MACROD2: variants seen among roughly 807,000 people sequenced by gnomAD.
MACROD2 encodes the protein ADP-ribose glycohydrolase MACROD2.
MACROD2 carries 36 observed loss-of-function variants against 70.4 expected under a neutral mutation model. That is an observed-to-expected ratio of 0.51 (90% CI 0.39 to 0.68). The LOEUF is 0.68. Among genes scored for constraint, MACROD2 ranks in the 30% least tolerant of loss-of-function variants. The pLI is 0.00. For synonymous variants in MACROD2, 172 were observed against 178.8 expected (o/e 0.96, Z 0.30); for missense variants, 496 against 538.4 (o/e 0.92, Z 0.78).
chr20:14,467,559 G>T (rs1484371132), intron 3 of MACROD2, among the ~76,000 whole-genome samples: 1 of 152,024 alleles, frequency 6.6e-6, no homozygotes, highest in Non-Finnish European at 1.5e-5. Flanking sequence ...CCACTGTCTG[G>T]CACTCCCCAG....
intron 7 of MACROD2, among the ~76,000 whole-genome samples, chr20:15,444,076 C>T (rs1195034422): frequency 1.3e-5 from 2 of 152,060 alleles, no homozygotes; most frequent in African/African-American, 4.8e-5. Context: ...CACTCCGTCC[C>T]CTCTCTCTCA....
At chr20:15,236,377 A>G (rs1021039234) in intron 6 of MACROD2, among the ~76,000 whole-genome samples, 17 of 152,154 alleles carry the variant, frequency 1.1e-4, no homozygotes, top group Admixed American at 2.6e-4. Flanking sequence ...AACCAAACCC[A>G]CATTGACAGA....
chr20:15,868,613 T>A (rs1224263484), intron 9 of MACROD2, among the ~76,000 whole-genome samples: 6 of 151,300 alleles, frequency 4.0e-5, no homozygotes, highest in African/African-American at 1.5e-4. Context: ...CTTTTTTTTT[T>A]TTTTTCATTA....
At chr20:15,205,553 A>G (rs1243052096) in intron 5 of MACROD2, among the ~76,000 whole-genome samples, 1 of 152,120 alleles carries the variant, frequency 6.6e-6, no homozygotes, top group Non-Finnish European at 1.5e-5. Flanking sequence ...CAACTTAGCT[A>G]AATACTAAGT....
chr20:15,464,765 C>T (rs116382281), intron 7 of MACROD2, among the ~76,000 whole-genome samples: 122 of 152,322 alleles, frequency 8.0e-4, no homozygotes, highest in African/African-American at 2.9e-3. Context: ...ATTAATTGCT[C>T]TGCCTCTAGA....
chr20:15,719,901 T>G (rs558316756), intron 8 of MACROD2, among the ~76,000 whole-genome samples: 1 of 152,182 alleles, frequency 6.6e-6, no homozygotes, highest in African/African-American at 2.4e-5. Flanking sequence ...ACTTACTCTT[T>G]TTTTCTAATT....
chr20:14,004,201 A>G (rs2052778488), intron 2 of MACROD2, among the ~76,000 whole-genome samples: 1 of 152,212 alleles, frequency 6.6e-6, no homozygotes, highest in Admixed American at 6.5e-5. Context: ...GAATTTTTGC[A>G]TTAGGACTAC....
Position 14,469,741 on chromosome 20 carries a change from T to G in MACROD2, c.272-23738T>G, listed in dbSNP as rs545640024. Among the ~76,000 whole-genome samples, 91 of 152,118 alleles carry G rather than the reference T, an allele frequency of 6.0e-4. 1 individual carries two copies. Among genetic ancestry groups the G allele is most frequent in the Non-Finnish European group, 1.0e-4 (7 of 67,988 alleles). ...TTCACCTATTGATAAGGTATCATGC[T>G]TCACGAAGTTCTCGTGCTGTGTTTT... On this transcript the variant is annotated intron_variant, in intron 3 of 17. Coordinates refer to ENST00000684519, the MANE Select transcript of MACROD2 (RefSeq NM_001351661.2).
intron 5 of MACROD2, among the ~76,000 whole-genome samples, chr20:14,726,241 C>T (rs929867307): frequency 9.9e-5 from 15 of 152,048 alleles, no homozygotes; most frequent in African/African-American, 3.4e-4. Context: ...AATGTGACAC[C>T]ATCAAATATG....
At chr20:15,365,256 A>C (rs2045392099) in intron 6 of MACROD2, among the ~76,000 whole-genome samples, 1 of 152,162 alleles carries the variant, frequency 6.6e-6, no homozygotes, top group Non-Finnish European at 1.5e-5. Flanking sequence ...TGAATATTGA[A>C]AGATCTATGT....
chr20:15,666,771 C>G (rs1314114112), intron 8 of MACROD2, among the ~76,000 whole-genome samples: 1 of 152,134 alleles, frequency 6.6e-6, no homozygotes, highest in East Asian at 1.9e-4. Flanking sequence ...GACCAGCACC[C>G]CTGCACAACC....
chr20:14,831,488 A>T (rs2072964590), intron 5 of MACROD2, among the ~76,000 whole-genome samples: 1 of 151,874 alleles, frequency 6.6e-6, no homozygotes, highest in Non-Finnish European at 1.5e-5. Flanking sequence ...TTAAAAAAAG[A>T]GCAACAACAG....
chr20:14,900,662 T>C (rs1315621328), intron 5 of MACROD2, among the ~76,000 whole-genome samples: 1 of 152,026 alleles, frequency 6.6e-6, no homozygotes, highest in Non-Finnish European at 1.5e-5. Context: ...ATGTCCCCTC[T>C]TTAATTATGA....
intron 5 of MACROD2, among the ~76,000 whole-genome samples, chr20:14,910,150 A>G (rs1358418596): frequency 6.6e-6 from 1 of 152,212 alleles, no homozygotes; most frequent in Non-Finnish European, 1.5e-5. Context: ...ACTTCATTTT[A>G]TAGGCCACAA....
At chr20:14,850,965 A>G (rs560585628) in intron 5 of MACROD2, among the ~76,000 whole-genome samples, 26 of 152,176 alleles carry the variant, frequency 1.7e-4, no homozygotes, top group African/African-American at 5.8e-4. Context: ...TTTTTTTTAA[A>G]CCTAGCATTG....
At chr20:15,543,491 T>A (rs926196872) in intron 8 of MACROD2, among the ~76,000 whole-genome samples, 7 of 152,090 alleles carry the variant, frequency 4.6e-5, no homozygotes, top group Non-Finnish European at 1.5e-5. Context: ...GCCAGTAATG[T>A]CATTTTTAAA....
At chr20:15,912,445 A>G (rs1238756556) in intron 10 of MACROD2, among the ~76,000 whole-genome samples, 1 of 152,238 alleles carries the variant, frequency 6.6e-6, no homozygotes, top group East Asian at 1.9e-4. Flanking sequence ...TTTAAAAAAT[A>G]GATACCTGAA....
At chr20:15,426,455 C>T (rs73090055) in intron 6 of MACROD2, among the ~76,000 whole-genome samples, 1,542 of 152,130 alleles carry the variant, frequency 0.01, 17 homozygotes, top group Middle Eastern at 0.051. Context: ...GGTGATTCTG[C>T]CACTTCAGCC....
At chr20:14,863,889 C>T (rs536597630) in intron 5 of MACROD2, among the ~76,000 whole-genome samples, 1 of 152,234 alleles carries the variant, frequency 6.6e-6, no homozygotes, top group East Asian at 1.9e-4. Flanking sequence ...ACTCTAAACT[C>T]ACTTCTCCAT....
Sources: gnomAD v4.1 joint callset for allele counts (sites outside exome capture counted in the v4.1 genomes callset) on GRCh38, gnomAD v4.1.1 for gene constraint, MANE v1.5 for transcripts, NCBI Gene and HGNC (gene_info 2026-07-23, HGNC 2026-07-21) for gene names.